HMGB1: variants seen among roughly 807,000 people sequenced by gnomAD.
HMGB1 encodes the protein high mobility group protein B1.
For missense variants in HMGB1, 79 were observed against 253.5 expected, an observed-to-expected ratio of 0.31 and a Z score of 4.67; for synonymous variants, 81 against 84.0, an observed-to-expected ratio of 0.96 and a Z score of 0.19.
At chr13:30,572,435 A>G (rs911478570) in intron 1 of HMGB1, among the ~76,000 whole-genome samples, 2 of 152,208 alleles carry the variant, frequency 1.3e-5, no homozygotes, top group African/African-American at 4.8e-5. Flanking sequence ...ATTAAGTAAA[A>G]TATCTAATTA....
rs386378689 is a variant in HMGB1 at position 30,456,760 on chromosome 13, C to CGGGGGGGGGGGGG, written c.*4596_*4597insCCCCCCCCCCCCC. 1 of 13,534 alleles carries CGGGGGGGGGGGGG rather than the reference C, an allele frequency of 7.4e-5. No homozygotes were observed. Among genetic ancestry groups the CGGGGGGGGGGGGG allele is most frequent in the African/African-American group, 3.6e-4 (1 of 2,804 alleles). 0.8% of individuals were successfully genotyped at this position (13,534 alleles called of 1,614,324 possible). A position where few individuals can be genotyped will look rare whatever the true frequency, so the allele number is the denominator to read the frequency against. ...CAGCATAAATAACAGCTTTTGTGGG[C>CGGGGGGGGGGGGG]GGGGGGGGGGGGTGGTGGGGTGCAA... is the stretch of plus-strand genomic sequence containing the variant. On this transcript the variant is annotated 3_prime_UTR_variant, in exon 5 of 5. Coordinates refer to ENST00000341423, the MANE Select transcript of HMGB1 (RefSeq NM_002128.7).
intron 1 of HMGB1, among the ~76,000 whole-genome samples, chr13:30,480,195 A>G (rs1887194678): frequency 6.6e-6 from 1 of 152,078 alleles, no homozygotes; most frequent in Non-Finnish European, 1.5e-5. Context: ...AAGTTCATAA[A>G]CTCCTTCAAA....
rs1301873235 is a variant in HMGB1 at position 30,590,526 on chromosome 13, G to A, written c.-15+26145C>T. ...CCTAAACTTAAATTTAAATAGCCACGTGCGGGTAGTGGCTACCATACTGCA... is the reference window on the plus strand; with the variant it reads ...CCTAAACTTAAATTTAAATAGCCACATGCGGGTAGTGGCTACCATACTGCA... On this transcript the variant is annotated intron_variant, in intron 1 of 4. Transcript: ENST00000405805. 4.6e-5 allele frequency among the ~76,000 whole-genome samples: 7 copies of A among 152,230 alleles called. No individual in the cohort carries two copies. The East Asian group carries it at 1.2e-3, about 25-fold the overall frequency.
chr13:30,501,222 C>A (rs1258279818), intron 1 of HMGB1, among the ~76,000 whole-genome samples: 4 of 152,164 alleles, frequency 2.6e-5, no homozygotes, highest in Admixed American at 2.6e-4. Context: ...AAATTACATA[C>A]TTTTAAGCTA....
intron 1 of HMGB1, among the ~76,000 whole-genome samples, chr13:30,493,885 G>C (rs1887553685): frequency 6.6e-6 from 1 of 152,058 alleles, no homozygotes; most frequent in Non-Finnish European, 1.5e-5. Flanking sequence ...GGCTGAGGTG[G>C]GGGAGGGTTG....
At chr13:30,611,249 G>A (rs929514809) in intron 1 of HMGB1, among the ~76,000 whole-genome samples, 1 of 152,132 alleles carries the variant, frequency 6.6e-6, no homozygotes, top group Non-Finnish European at 1.5e-5. Context: ...GGAGTGCAGT[G>A]GTGCGATCTT....
rs559787885 is a variant in HMGB1, at chr13:30,590,850, C to A, written c.-15+25821G>T. Among the ~76,000 whole-genome samples the A allele has an allele frequency of 5.2e-3, 788 of 152,148 alleles. 5 individuals are homozygous for A. The highest frequency in any genetic ancestry group is 0.017 in the African/African-American group (724 of 41,524). On this transcript the variant is annotated intron_variant, in intron 1 of 4. Coordinates refer to the HMGB1 transcript ENST00000405805. ...TGTTGGAAGCAGAGAGTGAGCACTCCCAAGACACTGAATCTGCCACATCTT... is the reference window on the plus strand; with the variant it reads ...TGTTGGAAGCAGAGAGTGAGCACTCACAAGACACTGAATCTGCCACATCTT...
rs1356201662 is a variant in HMGB1 at position 30,456,780 on chromosome 13, G to GGGGA, written c.*4576_*4577insTCCC. ...GTGGGCGGGGGGGGGGGGTGGTGGG[G>GGGGA]TGCAATTTATCAACATCTTCCAAAA... is the stretch of plus-strand genomic sequence containing the variant. On this transcript the variant is annotated 3_prime_UTR_variant, in exon 5 of 5. Transcript: ENST00000341423. 42 of 120,460 alleles carry GGGGA rather than the reference G, an allele frequency of 3.5e-4. No homozygotes were observed. The highest frequency in any genetic ancestry group is 1.6e-3 in the African/African-American group (39 of 24,618). The allele number at this position is 120,460 out of a possible 1,614,324, so 7.5% of individuals were successfully genotyped here.
chr13:30,583,973 C>T (rs1166035494), intron 1 of HMGB1, among the ~76,000 whole-genome samples: 1 of 151,346 alleles, frequency 6.6e-6, no homozygotes, highest in East Asian at 1.9e-4. Flanking sequence ...CCACGGTGCT[C>T]TGGTCTGGAG....
intron 1 of HMGB1, among the ~76,000 whole-genome samples, chr13:30,597,489 T>G (rs963995953): frequency 3.8e-4 from 58 of 152,226 alleles, no homozygotes; most frequent in African/African-American, 1.4e-3. Flanking sequence ...TGTGGTACTT[T>G]GTTACAGCAG....
At chr13:30,603,283 C>T (rs1032097841) in intron 1 of HMGB1, among the ~76,000 whole-genome samples, 3 of 152,150 alleles carry the variant, frequency 2.0e-5, no homozygotes, top group Admixed American at 1.3e-4. Context: ...CTAGCTGTCT[C>T]TCCTGAGATT....
chr13:30,522,304 G>C (rs1888257202), intron 1 of HMGB1, among the ~76,000 whole-genome samples: 1 of 151,778 alleles, frequency 6.6e-6, no homozygotes, highest in Non-Finnish European at 1.5e-5. Flanking sequence ...GTAGAGACTG[G>C]GTCTTGACAT....
At chr13:30,474,548 T>C (rs1351982870) in intron 1 of HMGB1, among the ~76,000 whole-genome samples, 1 of 152,190 alleles carries the variant, frequency 6.6e-6, no homozygotes, top group Non-Finnish European at 1.5e-5. Flanking sequence ...CAGCGTAAAC[T>C]GGCCCCTCTC....
intron 1 of HMGB1, among the ~76,000 whole-genome samples, chr13:30,600,284 C>T (rs559426139): frequency 1.7e-4 from 26 of 152,336 alleles, no homozygotes; most frequent in African/African-American, 6.0e-4. Flanking sequence ...AGATCACAGT[C>T]TTAAAATAAA....
chr13:30,591,132 G>A (rs1871351088), intron 1 of HMGB1, among the ~76,000 whole-genome samples: 1 of 146,674 alleles, frequency 6.8e-6, no homozygotes, highest in African/African-American at 2.5e-5. Flanking sequence ...CAGGGTTCAA[G>A]CAATTCTCCT....
At chr13:30,519,572 C>T (rs1199913681) in intron 1 of HMGB1, among the ~76,000 whole-genome samples, 10 of 150,090 alleles carry the variant, frequency 6.7e-5, no homozygotes, top group South Asian at 2.1e-4. Flanking sequence ...TGGTGGCGGG[C>T]GCCTGTAGTC....
At chr13:30,533,406 C>G (rs1271850346) in intron 1 of HMGB1, among the ~76,000 whole-genome samples, 1 of 152,166 alleles carries the variant, frequency 6.6e-6, no homozygotes, top group Admixed American at 6.5e-5. Context: ...ACTCTGTCAC[C>G]CAGGCCAGAG....
intron 1 of HMGB1, among the ~76,000 whole-genome samples, chr13:30,527,329 A>G (rs1888391437): frequency 6.6e-6 from 1 of 152,122 alleles, no homozygotes; most frequent in Non-Finnish European, 1.5e-5. Context: ...CAAGGAAGGA[A>G]CCTCTCGGGA....
intron 1 of HMGB1, among the ~76,000 whole-genome samples, chr13:30,579,921 A>G (rs1038545543): frequency 6.6e-6 from 1 of 152,206 alleles, no homozygotes; most frequent in Non-Finnish European, 1.5e-5. Context: ...ATGAATGAAG[A>G]CTTATTTACA....
Sources: gnomAD v4.1 joint callset for allele counts (sites outside exome capture counted in the v4.1 genomes callset) on GRCh38, gnomAD v4.1.1 for gene constraint, MANE v1.5 for transcripts, NCBI Gene and HGNC (gene_info 2026-07-23, HGNC 2026-07-21) for gene names.